SCARB2: variants seen among roughly 807,000 people sequenced by gnomAD.
SCARB2 encodes the protein lysosome membrane protein 2.
Under a neutral mutation model 58.6 loss-of-function variants are expected in SCARB2, and 29 were observed. That is an observed-to-expected ratio of 0.49 (90% CI 0.37 to 0.67). The LOEUF (loss-of-function observed/expected upper bound fraction) is 0.67, where lower values mean the gene tolerates loss of function less well. Ranked by LOEUF, SCARB2 falls within the 30% of genes least tolerant of loss-of-function variation. The pLI, the probability that SCARB2 is intolerant of heterozygous loss-of-function variation, is 0.00. For synonymous variants in SCARB2, 195 were observed against 210.1 expected (o/e 0.93, Z 0.62); for missense variants, 488 against 578.5 (o/e 0.84, Z 1.60).
chr4:76,168,650 T>C (rs1010639593), intron 8 of SCARB2, among the ~76,000 whole-genome samples, 174 bp from the exon 9 acceptor site: 1 of 151,912 alleles, frequency 6.6e-6, no homozygotes, highest in African/African-American at 2.4e-5. Flanking sequence ...GAACCATGGG[T>C]TGTATTAGGT....
intron 1 of SCARB2, among the ~76,000 whole-genome samples, chr4:76,209,182 A>G (rs1302145799): frequency 6.6e-6 from 1 of 152,150 alleles, no homozygotes; most frequent in East Asian, 1.9e-4. Context: ...TCTTCTTTGA[A>G]TAGAGGCAAC....
chr4:76,223,054 T>A (rs1733337657), intron 1 of SCARB2, among the ~76,000 whole-genome samples: 1 of 152,210 alleles, frequency 6.6e-6, no homozygotes, highest in Admixed American at 6.5e-5. Flanking sequence ...CAAAGCCATA[T>A]TTTTGTTCAA....
In SCARB2 at chr4:76,179,765, T is replaced by C. The variant is rs1327050308; in HGVS notation, c.424-60A>G. Reference sequence around the variant, plus strand: ...CCCTCCAAAGCACCTCCATCCACTCTCTCCTACTACCCCATAGCAAAGGGG... The same window carrying C: ...CCCTCCAAAGCACCTCCATCCACTCCCTCCTACTACCCCATAGCAAAGGGG... On this transcript the variant is annotated intron_variant, in intron 3 of 11. Coordinates refer to ENST00000264896, the MANE Select transcript of SCARB2 (RefSeq NM_005506.4). The C allele has an allele frequency of 4.0e-6, 5 of 1,257,276 alleles. No individual in the cohort carries two copies. In the African/African-American group the frequency reaches 4.4e-5, roughly 11 times the overall value. The allele number at this position is 1,257,276 out of a possible 1,614,324, so 77.9% of individuals were successfully genotyped here.
chr4:76,213,530 C>T lies in SCARB2; in HGVS notation c.14G>A (p.Cys5Tyr). The T allele has an allele frequency of 1.9e-6, 3 of 1,609,746 alleles. No homozygotes were observed. The highest frequency in any genetic ancestry group is 2.5e-6 in the Non-Finnish European group (3 of 1,178,230). ...GGACAACGTCCCCGCCGTGTAGAAG[C>T]AGCATCGGCCCATTCTGTGCGCCGC... MGRCCFYTAGTLSLL... is the reference protein window; with the variant it reads MGRCYFYTAGTLSLL... Residue 5 changes from cysteine to tyrosine, a missense_variant, in exon 1 of 12, where the codon TGC becomes TAC. Cys to Tyr is a radical substitution (Grantham distance 194). Coordinates refer to ENST00000264896, the MANE Select transcript of SCARB2 (RefSeq NM_005506.4).
upstream of SCARB2, among the ~76,000 whole-genome samples, chr4:76,218,506 T>G (rs547964701): frequency 6.6e-6 from 1 of 152,340 alleles, no homozygotes; most frequent in South Asian, 2.1e-4. Flanking sequence ...TACCGCCTCC[T>G]CCGATCAAGA....
intron 1 of SCARB2, among the ~76,000 whole-genome samples, chr4:76,207,255 A>G (rs1732948007): frequency 6.6e-6 from 1 of 152,224 alleles, no homozygotes; most frequent in Non-Finnish European, 1.5e-5. Flanking sequence ...GTGCTTGTGT[A>G]GTCTTCTGTT....
At chr4:76,197,403 C>T (rs1354413979) in intron 1 of SCARB2, among the ~76,000 whole-genome samples, 1 of 152,050 alleles carries the variant, frequency 6.6e-6, no homozygotes, top group Non-Finnish European at 1.5e-5. Flanking sequence ...GAAGAGCAGG[C>T]CACAGGTAGC....
At chr4:76,169,637 T>C (rs1481194442) in intron 8 of SCARB2, among the ~76,000 whole-genome samples, 3 of 152,222 alleles carry the variant, frequency 2.0e-5, no homozygotes, top group African/African-American at 7.2e-5. Flanking sequence ...CTGTTGCTTT[T>C]TGTTAAAGGC....
chr4:76,187,387 G>A (rs1202221755), intron 2 of SCARB2, among the ~76,000 whole-genome samples: 1 of 152,146 alleles, frequency 6.6e-6, no homozygotes, highest in African/African-American at 2.4e-5. Context: ...AGAACTAAAA[G>A]TGTGGAAACA....
At chr4:76,163,033 T>C in intron 11 of SCARB2, 192 bp downstream of exon 11, 1 of 683,118 alleles carries the variant, frequency 1.5e-6, no homozygotes, top group Non-Finnish European at 2.6e-6. Flanking sequence ...CTTCTAACCC[T>C]CCACCTTCTT....
At chr4:76,208,141 G>A (rs575921888) in intron 1 of SCARB2, among the ~76,000 whole-genome samples, 2 of 152,264 alleles carry the variant, frequency 1.3e-5, no homozygotes. Flanking sequence ...TCTGGGATGG[G>A]GTCTGGTATT....
intron 8 of SCARB2, among the ~76,000 whole-genome samples, chr4:76,169,179 C>T (rs1336894190): frequency 6.6e-6 from 1 of 151,816 alleles, no homozygotes; most frequent in Non-Finnish European, 1.5e-5. Flanking sequence ...GTGTGAAGTA[C>T]CCATAAAATA....
chr4:76,219,480 G>C (rs1477874394), intron 1 of SCARB2, among the ~76,000 whole-genome samples: 1 of 152,250 alleles, frequency 6.6e-6, no homozygotes, highest in Non-Finnish European at 1.5e-5. Flanking sequence ...TATCAAGGCT[G>C]TCTGATTTCC....
Position 76,171,519 on chromosome 4 carries a change from A to T in SCARB2, c.995-1534T>A, listed in dbSNP as rs77544489. Among the ~76,000 whole-genome samples the T allele has an allele frequency of 1.1e-3, 165 of 152,282 alleles. 2 individuals carry two copies. The East Asian group carries it at 0.028, about 26-fold the overall frequency. On this transcript the variant is annotated intron_variant, in intron 7 of 11. Transcript: ENST00000264896. ...AAAACACTGGAGGATAATCCTGGGG[A>T]GTTTCACTTCAGTCCAAATTCGGGA... is the stretch of plus-strand genomic sequence containing the variant.
chr4:76,166,923 A>ATGATACGGCG, intron 9 of SCARB2: 1 of 153,356 alleles, frequency 6.5e-6, no homozygotes, highest in Non-Finnish European at 1.5e-5. Flanking sequence ...CATTCTTGTA[A>ATGATACGGCG]ACCACCTACT....
At chr4:76,219,286 G>A (rs1001133165) in intron 1 of SCARB2, among the ~76,000 whole-genome samples, 10 of 152,234 alleles carry the variant, frequency 6.6e-5, no homozygotes, top group African/African-American at 2.2e-4. Flanking sequence ...CTAGAATGGA[G>A]AGCCAGGAAG....
intron 4 of SCARB2, among the ~76,000 whole-genome samples, chr4:76,178,284 A>G (rs1466929850): frequency 6.6e-6 from 1 of 152,254 alleles, no homozygotes; most frequent in Non-Finnish European, 1.5e-5. Context: ...CTATAATAAT[A>G]GGAGTGAACA....
chr4:76,204,403 C>T (rs1004958422), intron 1 of SCARB2, among the ~76,000 whole-genome samples: 1 of 152,134 alleles, frequency 6.6e-6, no homozygotes, highest in African/African-American at 2.4e-5. Context: ...TCTGATAGTT[C>T]AGATTCAAAT....
At position 76,172,033 on chromosome 4, in the gene SCARB2, T is replaced by TA. The variant is rs1157744866; in HGVS notation, c.995-2049dup. On this transcript the variant is annotated intron_variant, in intron 7 of 11. Coordinates refer to ENST00000264896, the MANE Select transcript of SCARB2 (RefSeq NM_005506.4). Reference sequence around the variant, plus strand: ...ATATATATACTATATACATATATATTAAAATATAGCAAATATAAGTATATG... The same window carrying TA: ...ATATATATACTATATACATATATATTAAAAATATAGCAAATATAAGTATATG... Among the ~76,000 whole-genome samples, 4 of 149,028 alleles carry TA rather than the reference T, an allele frequency of 2.7e-5. No individual in the cohort carries two copies. In the East Asian group the frequency reaches 7.8e-4, roughly 29 times the overall value.
Sources: allele counts gnomAD v4.1 joint callset (sites outside exome capture counted in the v4.1 genomes callset), GRCh38; gene constraint gnomAD v4.1.1; transcripts MANE v1.5; gene names NCBI Gene and HGNC (gene_info 2026-07-23, HGNC 2026-07-21).